Variants in DTNBP1 observed in about 807,000 individuals in gnomAD.
DTNBP1 encodes dystrobrevin binding protein 1.
DTNBP1 carries 35 observed loss-of-function variants against 42.8 expected under a neutral mutation model. The observed-to-expected ratio is 0.82, with a 90% CI of 0.63 to 1.09. The LOEUF (loss-of-function observed/expected upper bound fraction) is 1.09, where lower values mean the gene tolerates loss of function less well. DTNBP1 is among the 50% of genes least tolerant of loss of function. The pLI, the probability that DTNBP1 is intolerant of heterozygous loss-of-function variation, is 0.00. For synonymous variants in DTNBP1, 171 were observed against 162.2 expected (o/e 1.05, Z -0.41); for missense variants, 457 against 424.2 (o/e 1.08, Z -0.68).
chr6:15,548,514 A>G (rs532792829), intron 7 of DTNBP1, among the ~76,000 whole-genome samples: 22 of 152,032 alleles, frequency 1.4e-4, no homozygotes, highest in Admixed American at 1.2e-3. Flanking sequence ...CACATTTGGA[A>G]GGCAGGAAGG....
chr6:15,577,392 CA>C (rs879796349), intron 7 of DTNBP1, among the ~76,000 whole-genome samples: 17 of 152,200 alleles, frequency 1.1e-4, no homozygotes, highest in Non-Finnish European at 2.2e-4. Context: ...CACGGCAGCC[CA>C]GAGGAGAGAC....
chr6:15,564,875 T>C (rs77643064), intron 7 of DTNBP1, among the ~76,000 whole-genome samples: 3 of 152,066 alleles, frequency 2.0e-5, no homozygotes, highest in Non-Finnish European at 2.9e-5. Flanking sequence ...AGCACTTTGG[T>C]AGGCCATGAT....
chr6:15,576,933 A>G (rs1775603222), intron 7 of DTNBP1, among the ~76,000 whole-genome samples: 1 of 152,222 alleles, frequency 6.6e-6, no homozygotes, highest in African/African-American at 2.4e-5. Context: ...TCACTATTCT[A>G]GGCCCAACAG....
intron 7 of DTNBP1, among the ~76,000 whole-genome samples, chr6:15,554,953 T>C (rs1446527371): frequency 2.6e-5 from 4 of 151,898 alleles, no homozygotes; most frequent in African/African-American, 4.8e-5. Flanking sequence ...TGGTGGTTGG[T>C]TGAAATCAGC....
chr6:15,543,772 C>A (rs779070874), intron 7 of DTNBP1, among the ~76,000 whole-genome samples: 2 of 152,170 alleles, frequency 1.3e-5, no homozygotes, highest in Non-Finnish European at 2.9e-5. Context: ...GTCACCTGTT[C>A]TGTAACTGTC....
intron 7 of DTNBP1, among the ~76,000 whole-genome samples, chr6:15,534,182 G>C (rs1460559952): frequency 6.6e-6 from 1 of 152,182 alleles, no homozygotes; most frequent in Non-Finnish European, 1.5e-5. Context: ...AGAGGGCGTG[G>C]GAGCTTAGTG....
intron 6 of DTNBP1, among the ~76,000 whole-genome samples, chr6:15,596,719 T>C (rs550160113): frequency 6.6e-5 from 10 of 152,344 alleles, no homozygotes; most frequent in Admixed American, 1.3e-4. Context: ...AACTTCCTGA[T>C]TACATTTCCT....
chr6:15,652,214 C>T, intron 1 of DTNBP1, 74 bp from the exon 2 acceptor site: 1 of 1,257,934 alleles, frequency 7.9e-7, no homozygotes, highest in Non-Finnish European at 1.1e-6. Flanking sequence ...CAGGGTCTCA[C>T]TCTGTCGTCC....
intron 4 of DTNBP1, among the ~76,000 whole-genome samples, chr6:15,630,338 C>T (rs1322235864): frequency 6.6e-6 from 1 of 152,172 alleles, no homozygotes; most frequent in East Asian, 1.9e-4. Context: ...GGTATTTGTG[C>T]AGCAAGGAGC....
At chr6:15,548,583 T>C (rs1169973640) in intron 7 of DTNBP1, among the ~76,000 whole-genome samples, 1 of 152,156 alleles carries the variant, frequency 6.6e-6, no homozygotes, top group Non-Finnish European at 1.5e-5. Context: ...TCCCCTTGTT[T>C]CCAACATTTT....
At chr6:15,533,200 C>G (rs755318275) in intron 8 of DTNBP1, 40 bp downstream of exon 8, 2 of 1,610,746 alleles carry the variant, frequency 1.2e-6, no homozygotes, top group East Asian at 4.5e-5. Flanking sequence ...CCCCGCACAG[C>G]CGGTGAGTCC....
chr6:15,573,450 T>G (rs927656365), intron 7 of DTNBP1, among the ~76,000 whole-genome samples: 1 of 152,164 alleles, frequency 6.6e-6, no homozygotes. Context: ...ATGGTCAGTC[T>G]ATAAACAATA....
At chr6:15,649,552 T>C (rs1487318102) in intron 3 of DTNBP1, among the ~76,000 whole-genome samples, 1 of 152,192 alleles carries the variant, frequency 6.6e-6, no homozygotes, top group Non-Finnish European at 1.5e-5. Context: ...GTTTCCATTT[T>C]GCAAGATGAA....
chr6:15,621,372 G>T (rs1280188000), intron 5 of DTNBP1, among the ~76,000 whole-genome samples: 1 of 152,220 alleles, frequency 6.6e-6, no homozygotes, highest in African/African-American at 2.4e-5. Context: ...CTTAAATGAG[G>T]TTGATCTCTA....
At chr6:15,557,970 A>G (rs1238540422) in intron 7 of DTNBP1, among the ~76,000 whole-genome samples, 1 of 152,072 alleles carries the variant, frequency 6.6e-6, no homozygotes, top group African/African-American at 2.4e-5. Context: ...TATTAAAATC[A>G]TACAGGAAGC....
At chr6:15,540,063 C>T (rs928024051) in intron 7 of DTNBP1, among the ~76,000 whole-genome samples, 3 of 152,190 alleles carry the variant, frequency 2.0e-5, no homozygotes, top group African/African-American at 4.8e-5. Context: ...GGGAGCAACA[C>T]CAAATATTAC....
intron 1 of DTNBP1, among the ~76,000 whole-genome samples, chr6:15,661,458 G>C (rs955173669): frequency 2.6e-5 from 4 of 152,196 alleles, no homozygotes; most frequent in Non-Finnish European, 5.9e-5. Context: ...AGGAGTTCGA[G>C]ACCAGCCTGG....
rs879075307 is a variant in DTNBP1, at chr6:15,533,559, A to C, written c.512-164T>G. ...TGTACAGCTGGCCTCCTTGTCCCCC[A>C]ATCTGCTGCACTTCCTCCCCCTACC... On this transcript the variant is annotated intron_variant, in intron 7 of 9. Coordinates refer to ENST00000344537, the MANE Select transcript of DTNBP1 (RefSeq NM_032122.5). 15 of 1,154,950 alleles carry C rather than the reference A, an allele frequency of 1.3e-5. No homozygotes were observed. The South Asian group carries it at 1.5e-4, about 11-fold the overall frequency. The allele number at this position is 1,154,950 out of a possible 1,614,324, so 71.5% of individuals were successfully genotyped here. A position where few individuals can be genotyped will look rare whatever the true frequency, so the allele number is the denominator to read the frequency against.
At chr6:15,611,558 G>T (rs752057715) in intron 6 of DTNBP1, among the ~76,000 whole-genome samples, 3 of 152,138 alleles carry the variant, frequency 2.0e-5, no homozygotes, top group Non-Finnish European at 4.4e-5. Context: ...TTCCTTCAAC[G>T]GATCTAGGTC....
Sources: gnomAD v4.1 joint callset for allele counts (sites outside exome capture counted in the v4.1 genomes callset) on GRCh38, gnomAD v4.1.1 for gene constraint, MANE v1.5 for transcripts, NCBI Gene and HGNC (gene_info 2026-07-23, HGNC 2026-07-21) for gene names.